The following RTF1 variants were observed in gnomAD, a reference collection of about 807,000 sequenced individuals.
RTF1 encodes RNA polymerase-associated protein RTF1 homolog.
A neutral mutation model predicts 95.7 loss-of-function variants in RTF1; 10 were observed. That is an observed-to-expected ratio of 0.10 (90% CI 0.06 to 0.18). The LOEUF is 0.18. Among genes scored for constraint, RTF1 ranks in the 10% least tolerant of loss-of-function variants. RTF1 has a pLI of 1.00. For synonymous variants in RTF1, 305 were observed against 311.8 expected, an observed-to-expected ratio of 0.98 and a Z score of 0.23; for missense variants, 458 against 875.6, an observed-to-expected ratio of 0.52 and a Z score of 6.02.
At chr15:41,436,128 A>G (rs1469273649) in intron 1 of RTF1, among the ~76,000 whole-genome samples, 1 of 151,912 alleles carries the variant, frequency 6.6e-6, no homozygotes, top group Non-Finnish European at 1.5e-5. Flanking sequence ...GCAGCATGAC[A>G]AAACCCCATT....
At chr15:41,463,999 A>G (rs145829429) in intron 4 of RTF1, among the ~76,000 whole-genome samples, 8,138 of 151,192 alleles carry the variant, frequency 0.054, 482 homozygotes, top group African/African-American at 0.15. Flanking sequence ...TTACAGGCAC[A>G]TGCCACCATG....
intron 2 of RTF1, among the ~76,000 whole-genome samples, chr15:41,439,055 C>T (rs2050719555): frequency 7.4e-6 from 1 of 135,718 alleles, no homozygotes; most frequent in Admixed American, 8.1e-5. Flanking sequence ...TTTTTCAAGA[C>T]AGAGTCTCAC....
At chr15:41,463,177 A>G (rs2050860250) in intron 4 of RTF1, among the ~76,000 whole-genome samples, 1 of 152,180 alleles carries the variant, frequency 6.6e-6, no homozygotes, top group South Asian at 2.1e-4. Flanking sequence ...TTTATGTCTG[A>G]GTAATATTCC....
At chr15:41,430,632 T>C (rs1166678923) in intron 1 of RTF1, among the ~76,000 whole-genome samples, 3 of 151,414 alleles carry the variant, frequency 2.0e-5, no homozygotes, top group African/African-American at 7.3e-5. Flanking sequence ...TCCCAGCTAC[T>C]TGGAAGGCTG....
intron 1 of RTF1, among the ~76,000 whole-genome samples, chr15:41,428,596 A>G (rs866471655): frequency 5.4e-5 from 8 of 147,914 alleles, no homozygotes; most frequent in African/African-American, 2.0e-4. Context: ...TTTTGAAGAC[A>G]GGGTCTCACT....
rs533059365 is a variant in RTF1, at chr15:41,418,901, C to G, written c.198+1588C>G. ...ACGGAGTCTCGCACTGTCGCCCAGG[C>G]TGGAGTGCAGTGGTGCGATCTTGGC... On this transcript the variant is annotated intron_variant, in intron 1 of 17. Transcript: ENST00000389629. 2.6e-5 allele frequency among the ~76,000 whole-genome samples: 4 copies of G among 151,620 alleles called. No individual in the cohort carries two copies. In the South Asian group the frequency reaches 8.3e-4, roughly 32 times the overall value.
At chr15:41,423,058 C>T (rs2140944019) in intron 1 of RTF1, among the ~76,000 whole-genome samples, 1 of 152,312 alleles carries the variant, frequency 6.6e-6, no homozygotes. Flanking sequence ...AGGCGTGAAC[C>T]ACCGTGCCCG....
chr15:41,429,433 G>A (rs2050657246), intron 1 of RTF1, among the ~76,000 whole-genome samples: 1 of 150,662 alleles, frequency 6.6e-6, no homozygotes, highest in African/African-American at 2.4e-5. Flanking sequence ...CAGTTGTAGT[G>A]CTCTTTTTTT....
chr15:41,470,190 C>A, intron 6 of RTF1, 67 bp from the exon 7 acceptor site: 2 of 1,550,342 alleles, frequency 1.3e-6, no homozygotes, highest in East Asian at 2.3e-5. Context: ...ATTTCCAGTT[C>A]TTTTTCAAGG....
chr15:41,431,381 C>CT (rs1566837210), intron 1 of RTF1, among the ~76,000 whole-genome samples: 1 of 149,692 alleles, frequency 6.7e-6, no homozygotes, highest in Non-Finnish European at 1.5e-5. Context: ...CGCCCAGCTA[C>CT]TTTTTTTGTA....
chr15:41,423,120 G>T (rs552356490), intron 1 of RTF1, among the ~76,000 whole-genome samples: 5 of 152,160 alleles, frequency 3.3e-5, no homozygotes, highest in Non-Finnish European at 5.9e-5. Context: ...TACATGTAAA[G>T]AATATTATTA....
intron 3 of RTF1, among the ~76,000 whole-genome samples, chr15:41,453,910 C>T (rs1353926303): frequency 6.6e-6 from 1 of 152,058 alleles, no homozygotes; most frequent in African/African-American, 2.4e-5. Context: ...GTTTTGAGCA[C>T]ATGCCTATGA....
At chr15:41,430,006 C>CT (rs1410593149) in intron 1 of RTF1, among the ~76,000 whole-genome samples, 1 of 143,028 alleles carries the variant, frequency 7.0e-6, no homozygotes, top group Non-Finnish European at 1.5e-5. Context: ...TTTATTTTTT[C>CT]TTTTCTTTTT....
intron 2 of RTF1, among the ~76,000 whole-genome samples, chr15:41,443,019 A>G (rs2050743419): frequency 6.6e-6 from 1 of 152,196 alleles, no homozygotes; most frequent in African/African-American, 2.4e-5. Flanking sequence ...GTGAGCCATT[A>G]ATATAGGTAG....
intron 6 of RTF1, among the ~76,000 whole-genome samples, chr15:41,469,820 C>T (rs1476046027): frequency 2.6e-5 from 4 of 152,162 alleles, no homozygotes; most frequent in South Asian, 2.1e-4. Context: ...CCACCGCACC[C>T]GTCCCCACGT....
At chr15:41,439,202 T>A (rs1311588839) in intron 2 of RTF1, among the ~76,000 whole-genome samples, 1 of 151,628 alleles carries the variant, frequency 6.6e-6, no homozygotes, top group African/African-American at 2.4e-5. Flanking sequence ...TGGCTAATTT[T>A]TTTTTTTATT....
intron 4 of RTF1, among the ~76,000 whole-genome samples, chr15:41,463,104 C>T (rs1193643978): frequency 6.6e-6 from 1 of 152,146 alleles, no homozygotes; most frequent in East Asian, 1.9e-4. Flanking sequence ...TTGTGACTGA[C>T]TTCTTTCACT....
intron 3 of RTF1, 144 bp from the exon 4 acceptor site, chr15:41,457,528 A>T (rs1388429381): frequency 2.5e-6 from 2 of 802,100 alleles, no homozygotes; most frequent in Non-Finnish European, 4.0e-6. Flanking sequence ...TCCATCTCAA[A>T]AAAAAAGTAA....
chr15:41,425,412 T>C (rs980737212), intron 1 of RTF1, among the ~76,000 whole-genome samples: 4 of 152,094 alleles, frequency 2.6e-5, no homozygotes, highest in African/African-American at 9.7e-5. Flanking sequence ...GGCCAATTTT[T>C]GTATTTTTAG....
Sources: allele counts gnomAD v4.1 joint callset (sites outside exome capture counted in the v4.1 genomes callset), GRCh38; gene constraint gnomAD v4.1.1; transcripts MANE v1.5; gene names NCBI Gene and HGNC (gene_info 2026-07-23, HGNC 2026-07-21).